TNFAIP8L3: variants seen among roughly 807,000 people sequenced by gnomAD.
TNFAIP8L3 encodes the protein TNF alpha induced protein 8 like 3.
TNFAIP8L3 carries 7 observed loss-of-function variants against 11.8 expected under a neutral mutation model. That is an observed-to-expected ratio of 0.59 (90% CI 0.34 to 1.11). The LOEUF is 1.11. Ranked by LOEUF, TNFAIP8L3 falls within the 50% of genes most tolerant of loss-of-function variation. The pLI, the probability that TNFAIP8L3 is intolerant of heterozygous loss-of-function variation, is 0.03. For missense variants in TNFAIP8L3, 219 were observed against 258.6 expected (o/e 0.85, Z 1.05); for synonymous variants, 98 against 103.8 (o/e 0.94, Z 0.34).
rs1031579062 is a variant in TNFAIP8L3, at chr15:51,104,877, T to G, written c.172+128A>C. 2.8e-6 allele frequency: 3 copies of G among 1,089,680 alleles called. No individual in the cohort carries two copies. In the African/African-American group the frequency reaches 4.8e-5, roughly 17 times the overall value. 67.5% of individuals were successfully genotyped at this position (1,089,680 alleles called of 1,614,324 possible). A position where few individuals can be genotyped will look rare whatever the true frequency, so the allele number is the denominator to read the frequency against. On this transcript the variant is annotated intron_variant, in intron 1 of 2. Transcript: ENST00000327536. Reference sequence around the variant, plus strand: ...TTGATGTGGGGCACTAAATAAGAGATGGGCTGCCTGTGCTGGCCCTCTTCA... The same window carrying G: ...TTGATGTGGGGCACTAAATAAGAGAGGGGCTGCCTGTGCTGGCCCTCTTCA...
chr15:51,061,190 T>C (rs566695970), intron 1 of TNFAIP8L3, among the ~76,000 whole-genome samples: 3 of 152,306 alleles, frequency 2.0e-5, no homozygotes, highest in Admixed American at 6.5e-5. Context: ...TTTTTTGAGA[T>C]GGGGGTCTCA....
upstream of TNFAIP8L3, among the ~76,000 whole-genome samples, chr15:51,097,429 C>G (rs576233634): frequency 3.9e-5 from 6 of 152,298 alleles, no homozygotes; most frequent in East Asian, 1.2e-3. Flanking sequence ...AAGAACTGGT[C>G]AAGGTATCCT....
At chr15:51,062,208 A>G (rs1456115102) in intron 1 of TNFAIP8L3, among the ~76,000 whole-genome samples, 3 of 152,126 alleles carry the variant, frequency 2.0e-5, no homozygotes, top group African/African-American at 7.2e-5. Flanking sequence ...CAGGAGGTTG[A>G]GGCTGCAGTG....
chr15:51,087,594 C>T (rs2065438766), intron 1 of TNFAIP8L3, among the ~76,000 whole-genome samples: 1 of 151,832 alleles, frequency 6.6e-6, no homozygotes, highest in Non-Finnish European at 1.5e-5. Flanking sequence ...AAGCCAGTGG[C>T]TGCCCCTGTG....
At chr15:51,069,438 C>A (rs1179834866) in intron 1 of TNFAIP8L3, 5 of 152,204 alleles carry the variant, frequency 3.3e-5, no homozygotes, top group Non-Finnish European at 1.5e-5. Context: ...TGAATAATTA[C>A]ACTTGAAAAG....
chr15:51,059,655 A>C (rs1306272386), intron 1 of TNFAIP8L3, among the ~76,000 whole-genome samples: 1 of 152,272 alleles, frequency 6.6e-6, no homozygotes, highest in Non-Finnish European at 1.5e-5. Flanking sequence ...GGTGCTGTTG[A>C]GTAAAATACA....
intron 1 of TNFAIP8L3, among the ~76,000 whole-genome samples, chr15:51,100,963 G>A (rs2065546469): frequency 6.6e-6 from 1 of 152,182 alleles, no homozygotes; most frequent in South Asian, 2.1e-4. Flanking sequence ...GGCTGCATTT[G>A]CCGGGCCCCT....
intron 1 of TNFAIP8L3, among the ~76,000 whole-genome samples, chr15:51,065,399 A>G (rs2065264113): frequency 6.6e-6 from 1 of 152,230 alleles, no homozygotes. Flanking sequence ...ATGTTCAGCC[A>G]GAGTACAAGT....
chr15:51,094,498 C>T lies in TNFAIP8L3; in HGVS notation c.52+46G>A. On this transcript the variant is annotated intron_variant, in intron 1 of 1. Transcript: ENST00000637513. The surrounding 1 kb of genome is among the most constrained non-coding windows in gnomAD (Gnocchi z 4.4). The stretch of plus-strand genomic sequence containing the variant: ...ATTTCATGCCCCAGCCTCCCGTCCT[C>T]CCCAGCCCCAGCCCACCCGCCTGGG... 6.9e-7 allele frequency: 1 copy of T among 1,442,030 alleles called. No individual in the cohort carries two copies. Among genetic ancestry groups the T allele is most frequent in the Non-Finnish European group, 9.1e-7 (1 of 1,099,630 alleles). The allele number at this position is 1,442,030 out of a possible 1,614,324, so 89.3% of individuals were successfully genotyped here.
chr15:51,060,232 C>A (rs1226309235), intron 1 of TNFAIP8L3, among the ~76,000 whole-genome samples: 8 of 152,174 alleles, frequency 5.3e-5, no homozygotes, highest in Admixed American at 3.3e-4. Flanking sequence ...TTGTTCTCTG[C>A]AAAATCAAAG....
At chr15:51,093,801 T>C (rs1224993469) in intron 1 of TNFAIP8L3, among the ~76,000 whole-genome samples, 1 of 152,206 alleles carries the variant, frequency 6.6e-6, no homozygotes, top group Non-Finnish European at 1.5e-5. Context: ...GGCTTCCTCC[T>C]GTTGCTCAGT....
chr15:51,096,146 A>G (rs914181308), upstream of TNFAIP8L3, among the ~76,000 whole-genome samples: 20 of 152,158 alleles, frequency 1.3e-4, no homozygotes, highest in Non-Finnish European at 4.4e-5. Flanking sequence ...ACTTGAAATC[A>G]GGTCTGATGT....
chr15:51,098,089 T>A (rs900156203), upstream of TNFAIP8L3, among the ~76,000 whole-genome samples: 1 of 152,228 alleles, frequency 6.6e-6, no homozygotes, highest in African/African-American at 2.4e-5. Flanking sequence ...GTTGGCTTTT[T>A]AAGGAAATTG....
At chr15:51,087,921 A>ATATATATATATATACCTT (rs1555468329) in intron 1 of TNFAIP8L3, among the ~76,000 whole-genome samples, 5 of 69,536 alleles carry the variant, frequency 7.2e-5, no homozygotes, top group African/African-American at 3.3e-4. Context: ...GCATACCTTT[A>ATATATATATATATACCTT]TATATATATA....
In TNFAIP8L3 at chr15:51,094,556, C is replaced by T. The variant is rs776160506; in HGVS notation, c.40G>A (p.Val14Met). 39 of 1,503,184 alleles carry T rather than the reference C, an allele frequency of 2.6e-5. No individual in the cohort carries two copies. The highest frequency in any genetic ancestry group is 3.1e-5 in the Non-Finnish European group (35 of 1,130,718). The allele number at this position is 1,503,184 out of a possible 1,614,324, so 93.1% of individuals were successfully genotyped here. A position where few individuals can be genotyped will look rare whatever the true frequency, so the allele number is the denominator to read the frequency against. Residue 14 changes from valine to methionine, a missense_variant, in exon 1 of 2, where the codon GTG becomes ATG. Transcript: ENST00000637513. This position sits in a 1 kb window ranked among gnomAD's most constrained non-coding sequence, Gnocchi z 4.4. ...DSGEQSEGEP[V>M]TAAGPDVFSS... ...GGCCCCTAGGTACCTGCGGCGGTCA[C>T]GGGCTCGCCCTCGCTCTGCTCCCCG...
chr15:51,095,632 T>C (rs549355347), upstream of TNFAIP8L3, among the ~76,000 whole-genome samples: 1 of 151,004 alleles, frequency 6.6e-6, no homozygotes, highest in African/African-American at 2.4e-5. Flanking sequence ...TAAACTTCCG[T>C]AACACCATCC....
rs752514190 is a variant in TNFAIP8L3 at position 51,057,951 on chromosome 15, C to T, written c.545G>A (p.Gly182Glu). The change falls in exon 2 of 2, where the codon GGA becomes GAA. Residue 182 changes from glycine (G) to glutamate (E), a missense_variant. Coordinates refer to ENST00000637513, the MANE Select transcript of TNFAIP8L3 (RefSeq NM_001311175.2). Reference protein sequence around the residue: ...EFLSTLYSLDGDCRPNLKRIC... With the variant: ...EFLSTLYSLDEDCRPNLKRIC... ...CCTCTTGAGGTTGGGCCTACAGTCT[C>T]CATCCAGACTATAGAGGGTGGAGAG... 1.9e-6 allele frequency: 3 copies of T among 1,613,346 alleles called. No individual in the cohort carries two copies. Among genetic ancestry groups the T allele is most frequent in the Non-Finnish European group, 2.5e-6 (3 of 1,179,810 alleles).
At chr15:51,098,346 G>A (rs374045336), upstream of TNFAIP8L3, among the ~76,000 whole-genome samples, 4 of 152,168 alleles carry the variant, frequency 2.6e-5, no homozygotes, top group Non-Finnish European at 5.9e-5. Flanking sequence ...CTCTAGAACC[G>A]CTGTTTTCTG....
chr15:51,081,138 G>C (rs570716505), intron 1 of TNFAIP8L3, among the ~76,000 whole-genome samples: 67 of 152,298 alleles, frequency 4.4e-4, no homozygotes, highest in African/African-American at 1.6e-3. Context: ...CTAACACTCA[G>C]GAGGGCTTGT....
Sources: allele counts gnomAD v4.1 joint callset (sites outside exome capture counted in the v4.1 genomes callset), GRCh38; gene constraint gnomAD v4.1.1; non-coding constraint Gnocchi (gnomAD v3.1); transcripts MANE v1.5; gene names NCBI Gene and HGNC (gene_info 2026-07-23, HGNC 2026-07-21).